Variants in SIL1 observed in about 807,000 individuals in gnomAD.
SIL1 encodes the protein nucleotide exchange factor SIL1.
In SIL1, 40 loss-of-function variants were observed where a neutral mutation model predicts 49.1. That is an observed-to-expected ratio of 0.81 (90% confidence interval 0.63 to 1.06). SIL1 has a LOEUF of 1.06. Among genes scored for constraint, SIL1 ranks in the 50% least tolerant of loss-of-function variants. The pLI, the probability that SIL1 is intolerant of heterozygous loss-of-function variation, is 0.00. For missense variants in SIL1, 500 were observed against 572.6 expected, an observed-to-expected ratio of 0.87 and a Z score of 1.29; for synonymous variants, 253 against 250.8, an observed-to-expected ratio of 1.01 and a Z score of -0.08.
chr5:139,013,286 C>T (rs914746819), intron 7 of SIL1, among the ~76,000 whole-genome samples: 1 of 152,232 alleles, frequency 6.6e-6, no homozygotes, highest in Non-Finnish European at 1.5e-5. Flanking sequence ...ATGTCAGACT[C>T]AGTTTCCTTA....
At chr5:138,991,199 G>A (rs1462358913) in intron 7 of SIL1, among the ~76,000 whole-genome samples, 1 of 152,250 alleles carries the variant, frequency 6.6e-6, no homozygotes. Flanking sequence ...TGGAGGCTGG[G>A]GCACCAGGGC....
chr5:138,975,387 C>A (rs1052573936), intron 7 of SIL1, among the ~76,000 whole-genome samples: 2 of 152,170 alleles, frequency 1.3e-5, no homozygotes, highest in Non-Finnish European at 2.9e-5. Flanking sequence ...CAGCTCAGCA[C>A]CGTGAGGCCA....
At chr5:139,119,818 G>A (rs1348681809) in intron 3 of SIL1, among the ~76,000 whole-genome samples, 2 of 152,286 alleles carry the variant, frequency 1.3e-5, no homozygotes, top group East Asian at 1.9e-4. Context: ...GATATAGTCC[G>A]TATCTTCCAC....
intron 3 of SIL1, chr5:139,108,291 T>C (rs925407465): frequency 6.6e-6 from 1 of 152,218 alleles, no homozygotes; most frequent in African/African-American, 2.4e-5. Flanking sequence ...GAAAAATAGA[T>C]GAGCATGTAG....
chr5:138,977,815 C>G (rs1210026183), intron 7 of SIL1, among the ~76,000 whole-genome samples: 3 of 152,176 alleles, frequency 2.0e-5, no homozygotes, highest in Non-Finnish European at 4.4e-5. Flanking sequence ...TCACTCCATT[C>G]CAGCCACACT....
chr5:139,181,237 C>T (rs765582198), intron 1 of SIL1, among the ~76,000 whole-genome samples: 3 of 152,198 alleles, frequency 2.0e-5, no homozygotes, highest in Admixed American at 6.5e-5. Context: ...ATGCCCAGCC[C>T]GAGCAGCAGT....
intron 3 of SIL1, chr5:139,108,281 G>GA (rs1770767861): frequency 6.6e-6 from 1 of 152,168 alleles, no homozygotes; most frequent in Non-Finnish European, 1.5e-5. Flanking sequence ...CAGATGGAGG[G>GA]AAAAATAGAT....
intron 3 of SIL1, among the ~76,000 whole-genome samples, chr5:139,111,180 T>C (rs1770830233): frequency 6.6e-6 from 1 of 152,224 alleles, no homozygotes; most frequent in Admixed American, 6.5e-5. Flanking sequence ...GGTACTTCTC[T>C]TTCATTGCTC....
At chr5:139,031,141 A>AT (rs1561835725) in intron 5 of SIL1, among the ~76,000 whole-genome samples, 1 of 152,184 alleles carries the variant, frequency 6.6e-6, no homozygotes, top group African/African-American at 2.4e-5. Flanking sequence ...CAATTTATCA[A>AT]TTTTTTTCTT....
At chr5:139,190,348 G>GC (rs1752145339) in intron 1 of SIL1, among the ~76,000 whole-genome samples, 1 of 152,194 alleles carries the variant, frequency 6.6e-6, no homozygotes, top group South Asian at 2.1e-4. Flanking sequence ...TGAGGTAAGA[G>GC]CAAGAGAAAC....
At chr5:139,133,221 C>T (rs1750902147) in intron 1 of SIL1, 1 of 152,160 alleles carries the variant, frequency 6.6e-6, no homozygotes, top group Non-Finnish European at 1.5e-5. Context: ...CCTTAAGTAT[C>T]CTTGGGCTTT....
chr5:138,956,487 T>G (rs956878957), intron 7 of SIL1, among the ~76,000 whole-genome samples: 9 of 152,238 alleles, frequency 5.9e-5, no homozygotes, highest in African/African-American at 1.9e-4. Flanking sequence ...CTCACGCCTG[T>G]AATCCCAGCA....
chr5:139,021,510 G>A (rs770779489), intron 6 of SIL1, among the ~76,000 whole-genome samples: 3 of 152,152 alleles, frequency 2.0e-5, no homozygotes, highest in Non-Finnish European at 2.9e-5. Context: ...GAGCACCTGC[G>A]TGGGAATCAG....
chr5:139,057,589 G>A (rs537701075), intron 3 of SIL1, among the ~76,000 whole-genome samples: 92 of 152,168 alleles, frequency 6.0e-4, no homozygotes, highest in African/African-American at 2.1e-3. Flanking sequence ...GGAACAGGTG[G>A]CAAGAGTGAG....
intron 1 of SIL1, among the ~76,000 whole-genome samples, chr5:139,143,330 CACACACACACACACATATAT>C (rs1274156774): frequency 4.2e-5 from 4 of 95,902 alleles, no homozygotes; most frequent in Admixed American, 2.0e-4. Flanking sequence ...CACACACACA[CACACACACACACACATATAT>C]ATATATATAT....
intron 3 of SIL1, among the ~76,000 whole-genome samples, chr5:139,111,992 G>A (rs573389032): frequency 2.2e-4 from 34 of 152,338 alleles, no homozygotes; most frequent in East Asian, 1.5e-3. Flanking sequence ...TTGCAGGTGC[G>A]CGCCGCCACG....
intron 3 of SIL1, among the ~76,000 whole-genome samples, chr5:139,093,444 T>C (rs1770387302): frequency 6.6e-6 from 1 of 152,184 alleles, no homozygotes; most frequent in Non-Finnish European, 1.5e-5. Context: ...GTTAGCTCCA[T>C]CTCTCTTCCC....
intron 1 of SIL1, among the ~76,000 whole-genome samples, chr5:139,176,933 T>TC (rs1751896073): frequency 7.1e-6 from 1 of 141,762 alleles, no homozygotes; most frequent in East Asian, 2.0e-4. Flanking sequence ...GATTCTTTTT[T>TC]TTTTTTTTTT....
rs374518871 is a variant in SIL1, at chr5:139,114,564, C to T, written c.244+6471G>A. ...AAGGAGCAAAGGAGATGCTCAGAGT[C>T]GAGAATGCTTAGCAAAGGCTGGGAA... On this transcript the variant is annotated intron_variant, in intron 3 of 9. Coordinates refer to ENST00000394817, the MANE Select transcript of SIL1 (RefSeq NM_022464.5). Among the ~76,000 whole-genome samples, 4 of 152,172 alleles carry T rather than the reference C, an allele frequency of 2.6e-5. No homozygotes were observed. In the East Asian group the frequency reaches 7.7e-4, roughly 29 times the overall value.
Sources: allele counts gnomAD v4.1 joint callset (sites outside exome capture counted in the v4.1 genomes callset), GRCh38; gene constraint gnomAD v4.1.1; transcripts MANE v1.5; gene names NCBI Gene and HGNC (gene_info 2026-07-23, HGNC 2026-07-21).